Variants in PCNX2 observed in about 807,000 individuals in gnomAD.
PCNX2 encodes the protein pecanex-like protein 2.
Under a neutral mutation model 223.8 loss-of-function variants are expected in PCNX2, and 168 were observed. The observed-to-expected ratio is 0.75, with a 90% CI of 0.66 to 0.85. The LOEUF (loss-of-function observed/expected upper bound fraction) is 0.85. PCNX2 is among the 40% of genes least tolerant of loss of function. PCNX2 has a pLI of 0.00. For synonymous variants in PCNX2, 1,006 were observed against 1,052.6 expected, an observed-to-expected ratio of 0.96 and a Z score of 0.86; for missense variants, 2,507 against 2,675.5, an observed-to-expected ratio of 0.94 and a Z score of 1.39.
the PCNX2 span, among the ~76,000 whole-genome samples, chr1:233,304,818 T>C: frequency 1.3e-5 from 2 of 152,358 alleles, no homozygotes; most frequent in African/African-American, 4.8e-5. Flanking sequence ...ACAGGTCTGC[T>C]TTTCACCTAA....
chr1:233,146,775 C>T (rs192098561), intron 19 of PCNX2, among the ~76,000 whole-genome samples: 2 of 152,190 alleles, frequency 1.3e-5, no homozygotes, highest in Non-Finnish European at 2.9e-5. Flanking sequence ...TAGAATAGCC[C>T]GGGCACCATT....
chr1:233,071,681 T>G (rs1672861918), intron 23 of PCNX2, among the ~76,000 whole-genome samples: 1 of 152,200 alleles, frequency 6.6e-6, no homozygotes, highest in Non-Finnish European at 1.5e-5. Flanking sequence ...AACTGCTGTG[T>G]CCAATGGTAT....
At chr1:233,287,049 G>A (rs1453044554) in intron 1 of PCNX2, among the ~76,000 whole-genome samples, 1 of 152,138 alleles carries the variant, frequency 6.6e-6, no homozygotes, top group Non-Finnish European at 1.5e-5. Context: ...ATTTTTATCT[G>A]GGATATGGGA....
chr1:233,082,705 C>CA (rs1272607413), intron 23 of PCNX2, among the ~76,000 whole-genome samples: 1 of 152,202 alleles, frequency 6.6e-6, no homozygotes, highest in Non-Finnish European at 1.5e-5. Flanking sequence ...AAAGATCTTA[C>CA]AAGTCACCCT....
chr1:233,250,861 A>T, intron 7 of PCNX2, 29 bp from the exon 8 acceptor site: 1 of 1,543,198 alleles, frequency 6.5e-7, no homozygotes, highest in East Asian at 2.4e-5. Flanking sequence ...TCAGCAAAGA[A>T]TATGACATAA....
rs1669755152 is a variant in PCNX2 at position 232,993,014 on chromosome 1, A to C, written c.5791+5237T>G. 2.0e-5 allele frequency among the ~76,000 whole-genome samples: 3 copies of C among 152,288 alleles called. No individual in the cohort carries two copies. The South Asian group carries it at 6.2e-4, about 32-fold the overall frequency. ...CAGTCTCAGGTTGTATCTTTATAGC[A>C]GTGTGAAAATGGACTAATATGGAGA... On this transcript the variant is annotated intron_variant, in intron 32 of 33. Transcript: ENST00000258229.
At chr1:232,987,705 G>C (rs924625524) in intron 32 of PCNX2, among the ~76,000 whole-genome samples, 3 of 152,188 alleles carry the variant, frequency 2.0e-5, no homozygotes, top group African/African-American at 7.2e-5. Context: ...CATCATGTGA[G>C]AGGCAATTCC....
At chr1:233,285,950 G>A (rs926569575) in intron 1 of PCNX2, among the ~76,000 whole-genome samples, 1 of 152,190 alleles carries the variant, frequency 6.6e-6, no homozygotes, top group African/African-American at 2.4e-5. Context: ...GGACAACAGG[G>A]CTATGTATGC....
chr1:232,990,865 T>C lies in PCNX2; in HGVS notation c.5792-4325A>G, dbSNP rs984108830. Among the ~76,000 whole-genome samples, 6 of 152,236 alleles carry C rather than the reference T, an allele frequency of 3.9e-5. No homozygotes were observed. The highest frequency in any genetic ancestry group is 1.3e-4 in the Admixed American group (2 of 15,296). Reference sequence around the variant, plus strand: ...CAGGGTCGTCTCCCAGGGCGGACCTTGGGCCTACTTGCAGGCACGTGCACC... The same window carrying C: ...CAGGGTCGTCTCCCAGGGCGGACCTCGGGCCTACTTGCAGGCACGTGCACC... On this transcript the variant is annotated intron_variant, in intron 32 of 33. Coordinates refer to ENST00000258229, the MANE Select transcript of PCNX2 (RefSeq NM_014801.4). This position sits in a 1 kb window ranked among gnomAD's most constrained non-coding sequence, Gnocchi z 4.3.
At chr1:233,212,353 C>T (rs1418207223) in intron 12 of PCNX2, among the ~76,000 whole-genome samples, 1 of 152,156 alleles carries the variant, frequency 6.6e-6, no homozygotes, top group Non-Finnish European at 1.5e-5. Flanking sequence ...CACCGGTTTA[C>T]TATTGAGATA....
chr1:233,163,498 G>C (rs1279476374), intron 17 of PCNX2, among the ~76,000 whole-genome samples: 1 of 151,294 alleles, frequency 6.6e-6, no homozygotes, highest in Non-Finnish European at 1.5e-5. Flanking sequence ...AAAAGTAAAA[G>C]TATACAACTT....
rs757336968 is a variant in PCNX2, at chr1:233,198,974, C to T, written c.3031G>A (p.Ala1011Thr). 2.1e-5 allele frequency: 33 copies of T among 1,605,620 alleles called. No individual in the cohort carries two copies. The highest frequency in any genetic ancestry group is 4.0e-5 in the African/African-American group (3 of 74,776). ...CTGAAGCAGACTGCGTGGAGCAGGGCGGCAGCCAAGACGCTCCGGGCCACA... is the reference window on the plus strand; with the variant it reads ...CTGAAGCAGACTGCGTGGAGCAGGGTGGCAGCCAAGACGCTCCGGGCCACA... ...YSVARSVLAA[A>T]LLHAVCFSAV... The change falls in exon 15 of 34, where the codon GCC becomes ACC. Residue 1011 changes from alanine to threonine, a missense_variant. Ala to Thr is a moderately conservative substitution (Grantham distance 58, BLOSUM62 0). This residue lies in a region of PCNX2 where 1,372 missense variants were observed against 1,509.4 expected (regional missense o/e 0.91). Coordinates refer to ENST00000258229, the MANE Select transcript of PCNX2 (RefSeq NM_014801.4).
At chr1:233,076,575 T>C (rs1359213729) in intron 23 of PCNX2, among the ~76,000 whole-genome samples, 1 of 152,348 alleles carries the variant, frequency 6.6e-6, no homozygotes, top group South Asian at 2.1e-4. Context: ...CAACGTTTCT[T>C]GCTCAGACGG....
chr1:233,217,594 C>T (rs186283929), intron 12 of PCNX2, among the ~76,000 whole-genome samples: 5 of 152,180 alleles, frequency 3.3e-5, no homozygotes, highest in Non-Finnish European at 4.4e-5. Flanking sequence ...CTGATGGCAA[C>T]GTCTGCGGTC....
chr1:233,131,058 T>C (rs548054745), intron 21 of PCNX2, among the ~76,000 whole-genome samples: 2 of 152,332 alleles, frequency 1.3e-5, no homozygotes, highest in African/African-American at 4.8e-5. Context: ...GTGTCCTATA[T>C]TTGGGCAGCT....
intron 25 of PCNX2, chr1:233,047,384 G>A (rs1671858106): frequency 5.1e-6 from 5 of 985,132 alleles, no homozygotes; most frequent in Non-Finnish European, 6.0e-6. Flanking sequence ...TCATTAACTT[G>A]GACCCTTTAA....
At chr1:233,088,564 G>GC (rs1673713386) in intron 23 of PCNX2, among the ~76,000 whole-genome samples, 1 of 152,262 alleles carries the variant, frequency 6.6e-6, no homozygotes, top group Non-Finnish European at 1.5e-5. Context: ...CAAATGAGCA[G>GC]CCTTGTTATG....
At chr1:233,217,956 G>A (rs1657081015) in intron 11 of PCNX2, 25 bp from the exon 12 acceptor site, 2 of 1,613,754 alleles carry the variant, frequency 1.2e-6, no homozygotes, top group Non-Finnish European at 1.7e-6. Flanking sequence ...AGAAGTGTCT[G>A]TGTCATCATC....
the PCNX2 span, among the ~76,000 whole-genome samples, chr1:233,308,827 G>A: frequency 6.6e-6 from 1 of 152,092 alleles, no homozygotes; most frequent in Non-Finnish European, 1.5e-5. Flanking sequence ...CATAGTGAAA[G>A]ATATTTTTTA....
Sources: allele counts gnomAD v4.1 joint callset (sites outside exome capture counted in the v4.1 genomes callset), GRCh38; gene constraint gnomAD v4.1.1; regional missense constraint gnomAD v4.1.1; non-coding constraint Gnocchi (gnomAD v3.1); transcripts MANE v1.5; gene names NCBI Gene and HGNC (gene_info 2026-07-23, HGNC 2026-07-21).